The following HOXD3 variants were observed in gnomAD, a reference collection of about 807,000 sequenced individuals.
HOXD3 encodes homeobox protein Hox-D3.
In HOXD3, 13 loss-of-function variants were observed where a neutral mutation model predicts 32.8. The observed-to-expected ratio is 0.40, with a 90% confidence interval of 0.26 to 0.63. HOXD3 has a LOEUF of 0.63. HOXD3 is among the 20% of genes least tolerant of loss of function. The pLI, the probability that HOXD3 is intolerant of heterozygous loss-of-function variation, is 0.44. For missense variants in HOXD3, 504 were observed against 577.1 expected, an observed-to-expected ratio of 0.87 and a Z score of 1.30; for synonymous variants, 241 against 246.8, an observed-to-expected ratio of 0.98 and a Z score of 0.22.
At chr2:176,152,620 A>G (rs745705030), upstream of HOXD3, 1 of 1,613,830 alleles carries the variant, frequency 6.2e-7, no homozygotes, top group Non-Finnish European at 8.5e-7. This position sits in a 1 kb window ranked among gnomAD's most constrained non-coding sequence, Gnocchi z 5.2. Context: ...AACCCCAACT[A>G]CACCGGTGGG....
chr2:176,172,378 C>T lies in HOXD3; in HGVS notation c.*104C>T. The T allele has an allele frequency of 1.7e-6, 2 of 1,178,036 alleles. No individual in the cohort carries two copies. Among genetic ancestry groups the T allele is most frequent in the Non-Finnish European group, 2.3e-6 (2 of 864,506 alleles). The allele number at this position is 1,178,036 out of a possible 1,614,324, so 73.0% of individuals were successfully genotyped here. ...CAGTTCGGGAACCCCCTTCCCCGCT[C>T]TTGCCCTGCCGCCGCCTCCCGGGTC... is the stretch of plus-strand genomic sequence containing the variant. On this transcript the variant is annotated 3_prime_UTR_variant, in exon 4 of 4. Coordinates refer to ENST00000683222, the MANE Select transcript of HOXD3 (RefSeq NM_006898.5).
At chr2:176,152,648 A>G (rs776172661), upstream of HOXD3, 5 of 1,614,116 alleles carry the variant, frequency 3.1e-6, no homozygotes, top group South Asian at 5.5e-5. The surrounding 1 kb of genome is among the most constrained non-coding windows in gnomAD (Gnocchi z 5.2). Context: ...AGCGGTCCCG[A>G]ACGGCCTACA....
At chr2:176,156,295 G>A (rs370907787), upstream of HOXD3, among the ~76,000 whole-genome samples, 10 of 152,312 alleles carry the variant, frequency 6.6e-5, no homozygotes, top group East Asian at 1.2e-3. Flanking sequence ...CATATTTTGT[G>A]AGCATTGGGA....
At chr2:176,152,621 C>T (rs771854173), upstream of HOXD3, 4 of 1,613,934 alleles carry the variant, frequency 2.5e-6, no homozygotes, top group South Asian at 4.4e-5. This position sits in a 1 kb window ranked among gnomAD's most constrained non-coding sequence, Gnocchi z 5.2. Context: ...ACCCCAACTA[C>T]ACCGGTGGGG....
upstream of HOXD3, chr2:176,153,115 TAGA>T: frequency 2.0e-6 from 1 of 506,918 alleles, no homozygotes; most frequent in Non-Finnish European, 3.6e-6. Context: ...GCCCCCTCCC[TAGA>T]GCGGGATGGG....
chr2:176,168,067 G>C (rs145477702), intron 2 of HOXD3, among the ~76,000 whole-genome samples: 264 of 152,214 alleles, frequency 1.7e-3, no homozygotes, highest in African/African-American at 6.2e-3. Context: ...CTAAAAAGAA[G>C]GAAACTCTTC....
chr2:176,155,184 C>T (rs376183148), upstream of HOXD3, among the ~76,000 whole-genome samples: 193 of 152,296 alleles, frequency 1.3e-3, 5 homozygotes, highest in South Asian at 0.039. Flanking sequence ...AAACCCAAAT[C>T]TGTCTATACA....
Position 176,172,316 on chromosome 2 carries a change from T to G in HOXD3, c.*42T>G. ...GAACTCGCGGCAAAATTACCTCTCT[T>G]GCTGTAGTGGTGGGGTAGAGGGTGG... On this transcript the variant is annotated 3_prime_UTR_variant, in exon 4 of 4. Transcript: ENST00000683222. The G allele has an allele frequency of 6.5e-7, 1 of 1,546,548 alleles. No individual in the cohort carries two copies. Among genetic ancestry groups the G allele is most frequent in the Non-Finnish European group, 8.7e-7 (1 of 1,148,084 alleles).
In HOXD3 at chr2:176,169,033, C is replaced by G; in HGVS notation, c.-82C>G. On this transcript the variant is annotated splice_region_variant and 5_prime_UTR_variant, in exon 3 of 4. Coordinates refer to ENST00000683222, the MANE Select transcript of HOXD3 (RefSeq NM_006898.5). ...GCCTCTTGCTTTTCTTCTGACAGGT[C>G]ACCTGGAGCCTGGGGGCCGGCCCAG... is the stretch of plus-strand genomic sequence containing the variant. 7.3e-6 allele frequency: 11 copies of G among 1,506,318 alleles called. No homozygotes were observed. The highest frequency in any genetic ancestry group is 9.7e-6 in the Non-Finnish European group (11 of 1,129,312). 93.3% of individuals were successfully genotyped at this position (1,506,318 alleles called of 1,614,324 possible).
intron 2 of HOXD3, chr2:176,165,768 T>G (rs1456774478): frequency 2.6e-5 from 4 of 151,978 alleles, no homozygotes; most frequent in South Asian, 2.1e-4. Flanking sequence ...CCCAAGACAT[T>G]TGGGTCTTGG....
rs114121543 is a variant in HOXD3 at position 176,166,320 on chromosome 2, A to T, written c.-85+2152A>T. Among the ~76,000 whole-genome samples the T allele has an allele frequency of 1.4e-3, 213 of 152,340 alleles. 3 individuals are homozygous for T. Among genetic ancestry groups the T allele is most frequent in the African/African-American group, 4.9e-3 (205 of 41,574 alleles). On this transcript the variant is annotated intron_variant, in intron 2 of 3. Coordinates refer to ENST00000683222, the MANE Select transcript of HOXD3 (RefSeq NM_006898.5). ...TTCCTAAGTAAGCTATTTTAACGTG[A>T]CTGGTTCACCTATCTAGATCAACTT...
At chr2:176,155,342 G>T (rs1349937191), upstream of HOXD3, among the ~76,000 whole-genome samples, 2 of 152,114 alleles carry the variant, frequency 1.3e-5, no homozygotes, top group Admixed American at 6.6e-5. Context: ...TGCCACACAG[G>T]CTTAACTGAC....
chr2:176,172,255 C>G lies in HOXD3; in HGVS notation c.1280C>G (p.Pro427Arg). ...TCTCAGGGACGACTGCCGGAGGCTC[C>G]CAAACTGACGCATCTGTAGCGGCCG... is the stretch of plus-strand genomic sequence containing the variant. The part of the protein sequence containing the change: ...HSSQGRLPEA[P>R]KLTHL Residue 427 changes from proline (P) to arginine (R), a missense_variant, in exon 4 of 4, where the codon CCC becomes CGC. This residue lies in a region of HOXD3 where 226 missense variants were observed against 246.9 expected (regional missense o/e 0.92). Coordinates refer to ENST00000683222, the MANE Select transcript of HOXD3 (RefSeq NM_006898.5). 1 of 1,603,018 alleles carries G rather than the reference C, an allele frequency of 6.2e-7. No homozygotes were observed. Among genetic ancestry groups the G allele is most frequent in the Non-Finnish European group, 8.5e-7 (1 of 1,177,814 alleles).
At chr2:176,168,260 A>G (rs535871224) in intron 2 of HOXD3, among the ~76,000 whole-genome samples, 6 of 86,916 alleles carry the variant, frequency 6.9e-5, no homozygotes, top group Admixed American at 6.6e-4. Flanking sequence ...CCCTGTCTCT[A>G]CAAAAAAAAA....
At chr2:176,165,098 T>C (rs1005912917) in intron 2 of HOXD3, 4 of 152,252 alleles carry the variant, frequency 2.6e-5, no homozygotes, top group African/African-American at 9.6e-5. Flanking sequence ...AGTAGGGAAT[T>C]CTTTTGCTGC....
chr2:176,169,211 G>GGCTACA lies in HOXD3; in HGVS notation c.100_105dup (p.Tyr34_Ser35dup). ...AAACCCAGGACTGTTTGGAGGCTAT[G>GGCTACA]GCTACAGCAAAACTACGGACACTTA... is the stretch of plus-strand genomic sequence containing the variant. On this transcript the variant is annotated inframe_insertion, in exon 3 of 4. Transcript: ENST00000683222. The GGCTACA allele has an allele frequency of 1.9e-6, 3 of 1,614,136 alleles. No homozygotes were observed. The African/African-American group carries it at 4.0e-5, about 22-fold the overall frequency.
chr2:176,172,632 C>G lies in HOXD3; in HGVS notation c.*358C>G, dbSNP rs1017737398. ...AGAGCTTGGAGAGTCTTGGGCCTGG[C>G]CCGCGTCTAGCTTAGTTTCAGAGAC... On this transcript the variant is annotated 3_prime_UTR_variant, in exon 4 of 4. Coordinates refer to ENST00000683222, the MANE Select transcript of HOXD3 (RefSeq NM_006898.5). The G allele has an allele frequency of 3.6e-6, 1 of 278,910 alleles. No individual in the cohort carries two copies. Among genetic ancestry groups the G allele is most frequent in the African/African-American group, 2.2e-5 (1 of 45,666 alleles). The allele number at this position is 278,910 out of a possible 1,614,324, so 17.3% of individuals were successfully genotyped here.
At chr2:176,170,526 C>T (rs1691135408) in intron 3 of HOXD3, among the ~76,000 whole-genome samples, 1 of 152,174 alleles carries the variant, frequency 6.6e-6, no homozygotes, top group East Asian at 1.9e-4. Flanking sequence ...CTGAAATTTT[C>T]TGACCTTGTG....
Position 176,171,936 on chromosome 2 carries a change from A to AGCT in HOXD3, c.964_966dup (p.Cys322dup), listed in dbSNP as rs1351814271. 6.2e-7 allele frequency: 1 copy of AGCT among 1,610,344 alleles called. No individual in the cohort carries two copies. The highest frequency in any genetic ancestry group is 8.5e-7 in the Non-Finnish European group (1 of 1,179,250). ...GGCCGCCTACACGGCGCCACTCAGC[A>AGCT]GCTGCCTGCCACAACAGAAGCGCTA... On this transcript the variant is annotated inframe_insertion, in exon 4 of 4. Coordinates refer to ENST00000683222, the MANE Select transcript of HOXD3 (RefSeq NM_006898.5).
Sources: gnomAD v4.1 joint callset for allele counts (sites outside exome capture counted in the v4.1 genomes callset) on GRCh38, gnomAD v4.1.1 for gene constraint, gnomAD v4.1.1 regional missense constraint, Gnocchi (gnomAD v3.1) non-coding constraint, MANE v1.5 for transcripts, NCBI Gene and HGNC (gene_info 2026-07-23, HGNC 2026-07-21) for gene names.